Variants in RERE observed in about 807,000 individuals in gnomAD.
RERE encodes arginine-glutamic acid dipeptide repeats protein.
In RERE, 40 loss-of-function variants were observed where a neutral mutation model predicts 146.1. That is an observed-to-expected ratio of 0.27 (90% confidence interval 0.21 to 0.36). The LOEUF (loss-of-function observed/expected upper bound fraction) is 0.36, where lower values mean the gene tolerates loss of function less well. RERE is among the 10% of genes least tolerant of loss of function. The pLI, the probability that RERE is intolerant of heterozygous loss-of-function variation, is 1.00. For synonymous variants in RERE, 1,003 were observed against 866.0 expected, an observed-to-expected ratio of 1.16 and a Z score of -2.78; for missense variants, 1,933 against 2,138.7, an observed-to-expected ratio of 0.90 and a Z score of 1.90.
In RERE at chr1:8,354,991, T is replaced by C. The variant is rs990345403; in HGVS notation, c.*96A>G. 5.2e-6 allele frequency: 5 copies of C among 964,938 alleles called. No homozygotes were observed. The highest frequency in any genetic ancestry group is 2.1e-4 in the Middle Eastern group (1 of 4,654). 59.8% of individuals were successfully genotyped at this position (964,938 alleles called of 1,614,324 possible). A position where few individuals can be genotyped will look rare whatever the true frequency, so the allele number is the denominator to read the frequency against. On this transcript the variant is annotated 3_prime_UTR_variant, in exon 23 of 23. Transcript: ENST00000400908. ...TATATAAAGAAATCTTTAGAAGATA[T>C]TCTTTTTGCTTTTGCAGCTCCTATT...
chr1:8,788,452 C>A (rs1641300328), intron 1 of RERE, among the ~76,000 whole-genome samples: 1 of 151,200 alleles, frequency 6.6e-6, no homozygotes, highest in South Asian at 2.1e-4. Flanking sequence ...GCAACCACCT[C>A]CTCCCAAGTT....
At chr1:8,517,684 GAA>G (rs1474299786) in intron 7 of RERE, among the ~76,000 whole-genome samples, 2 of 151,948 alleles carry the variant, frequency 1.3e-5, no homozygotes, top group African/African-American at 2.4e-5. Flanking sequence ...TAAAAAAACA[GAA>G]AGTCATTGTA....
At chr1:8,732,808 C>CTTTTTTTT (rs59337140) in intron 1 of RERE, among the ~76,000 whole-genome samples, 115 of 65,734 alleles carry the variant, frequency 1.7e-3, no homozygotes, top group African/African-American at 1.9e-3. Flanking sequence ...TTCAATTTTT[C>CTTTTTTTT]TTTTTTTTTT....
At chr1:8,565,440 C>T (rs771350205) in intron 4 of RERE, among the ~76,000 whole-genome samples, 2 of 152,190 alleles carry the variant, frequency 1.3e-5, no homozygotes, top group African/African-American at 2.4e-5. Context: ...GGCACCGTGG[C>T]GCATGCCTGG....
intron 12 of RERE, among the ~76,000 whole-genome samples, chr1:8,404,156 G>A (rs1643366590): frequency 6.6e-6 from 1 of 152,114 alleles, no homozygotes; most frequent in East Asian, 1.9e-4. Flanking sequence ...GAGGCCGGGT[G>A]CGGTGGCTCA....
At chr1:8,635,972 C>CTTATT (rs1404664984) in intron 2 of RERE, among the ~76,000 whole-genome samples, 16,936 of 143,472 alleles carry the variant, frequency 0.12, 1,187 homozygotes, top group Middle Eastern at 0.22. Flanking sequence ...CTTATCTTAT[C>CTTATT]TTATCTTATT....
intron 10 of RERE, among the ~76,000 whole-genome samples, chr1:8,475,818 A>C (rs981705981): frequency 3.3e-5 from 5 of 152,216 alleles, no homozygotes; most frequent in African/African-American, 1.2e-4. Flanking sequence ...ATGTTAAAAA[A>C]CTAGAATTGA....
chr1:8,741,307 A>C (rs976525146), intron 1 of RERE, among the ~76,000 whole-genome samples: 4 of 152,218 alleles, frequency 2.6e-5, no homozygotes, highest in Non-Finnish European at 5.9e-5. Flanking sequence ...ACTGAATCCC[A>C]AAGAGTTAGC....
chr1:8,718,627 T>C (rs1639805645), intron 1 of RERE, among the ~76,000 whole-genome samples: 1 of 152,230 alleles, frequency 6.6e-6, no homozygotes, highest in Non-Finnish European at 1.5e-5. Context: ...CATCTGGTAC[T>C]CTAAGAGCAG....
chr1:8,359,237 C>A (rs545592808), intron 19 of RERE, among the ~76,000 whole-genome samples: 1 of 152,340 alleles, frequency 6.6e-6, no homozygotes, highest in African/African-American at 2.4e-5. Flanking sequence ...GTGAGCCCAG[C>A]AGGCCAGGAA....
intron 1 of RERE, among the ~76,000 whole-genome samples, chr1:8,746,460 CCAG>C (rs1309100484): frequency 2.0e-5 from 3 of 151,694 alleles, no homozygotes; most frequent in Non-Finnish European, 4.4e-5. Flanking sequence ...GCTAGAACCA[CCAG>C]AAGAAGAAAA....
chr1:8,558,799 CTT>C (rs547248273), intron 4 of RERE, among the ~76,000 whole-genome samples: 7 of 137,780 alleles, frequency 5.1e-5, no homozygotes, highest in Admixed American at 1.4e-4. Flanking sequence ...TTTTCCTTTT[CTT>C]TTTTTTTTTT....
At chr1:8,507,028 T>A (rs1645257969) in intron 8 of RERE, among the ~76,000 whole-genome samples, 2 of 152,182 alleles carry the variant, frequency 1.3e-5, no homozygotes, top group African/African-American at 2.4e-5. Flanking sequence ...AGAGCCCCAG[T>A]CCTGCCTGAC....
At chr1:8,735,321 T>C (rs910051540) in intron 1 of RERE, among the ~76,000 whole-genome samples, 6 of 152,312 alleles carry the variant, frequency 3.9e-5, no homozygotes, top group African/African-American at 1.2e-4. Context: ...ATAATATATA[T>C]GCATGGTACT....
At chr1:8,654,640 G>T (rs574883264) in intron 2 of RERE, among the ~76,000 whole-genome samples, 1,889 of 141,598 alleles carry the variant, frequency 0.013, 53 homozygotes, top group African/African-American at 0.048. Context: ...GTTTTTTTTT[G>T]TTTTTTTTTT....
chr1:8,626,506 C>A (rs1398877782), intron 2 of RERE, among the ~76,000 whole-genome samples: 2 of 152,192 alleles, frequency 1.3e-5, no homozygotes, highest in Non-Finnish European at 2.9e-5. Flanking sequence ...ACCCAAAGGG[C>A]ATCAGCCTAA....
chr1:8,719,400 A>T (rs889317641), intron 1 of RERE, among the ~76,000 whole-genome samples: 3 of 152,206 alleles, frequency 2.0e-5, no homozygotes, highest in Non-Finnish European at 4.4e-5. Context: ...CCAAATTAGC[A>T]TCCTTAAGGT....
At chr1:8,491,613 G>A (rs1644981236) in intron 10 of RERE, among the ~76,000 whole-genome samples, 1 of 152,192 alleles carries the variant, frequency 6.6e-6, no homozygotes, top group Non-Finnish European at 1.5e-5. Context: ...GCAAGATCCT[G>A]CCTCAAACAA....
intron 10 of RERE, among the ~76,000 whole-genome samples, chr1:8,471,047 C>A (rs183684681): frequency 6.6e-6 from 1 of 151,722 alleles, no homozygotes. Flanking sequence ...AATCTCTTGA[C>A]CTCATGATCC....
Sources: allele counts gnomAD v4.1 joint callset (sites outside exome capture counted in the v4.1 genomes callset), GRCh38; gene constraint gnomAD v4.1.1; transcripts MANE v1.5; gene names NCBI Gene and HGNC (gene_info 2026-07-23, HGNC 2026-07-21).